PABPC1L: variants seen among roughly 807,000 people sequenced by gnomAD.
PABPC1L encodes polyadenylate-binding protein 1-like.
Under a neutral mutation model 66.6 loss-of-function variants are expected in PABPC1L, and 31 were observed. That is an observed-to-expected ratio of 0.47 (90% confidence interval 0.35 to 0.63). The LOEUF (loss-of-function observed/expected upper bound fraction) is 0.63. Ranked by LOEUF, PABPC1L falls within the 20% of genes least tolerant of loss-of-function variation. PABPC1L has a pLI of 0.00. For missense variants in PABPC1L, 722 were observed against 848.8 expected, an observed-to-expected ratio of 0.85 and a Z score of 1.86; for synonymous variants, 348 against 335.1, an observed-to-expected ratio of 1.04 and a Z score of -0.42.
intron 7 of PABPC1L, among the ~76,000 whole-genome samples, chr20:44,924,796 G>A (rs1601115056): frequency 1.3e-5 from 2 of 152,194 alleles, no homozygotes; most frequent in East Asian, 3.8e-4. Flanking sequence ...TGGGCTCACT[G>A]GATGGCTTTC....
At chr20:44,932,868 T>C (rs2066871930) in intron 9 of PABPC1L, 189 bp from the exon 10 acceptor site, 1 of 584,612 alleles carries the variant, frequency 1.7e-6, no homozygotes, top group Non-Finnish European at 3.1e-6. Flanking sequence ...TTTGAAATTG[T>C]AGATTCCTAC....
chr20:44,936,641 A>C lies in PABPC1L; in HGVS notation c.1571A>C (p.Gln524Pro). ...SSAAHSTYRV[Q>P]EPAVHIPGQE... ...TGTGTCCCCGGCACCATGCAGGTCC[A>C]GGAGCCGGCTGTGCACATCCCAGGA... Residue 524 changes from glutamine to proline, a missense_variant, in exon 12 of 15, where the codon CAG becomes CCG. Transcript: ENST00000217073. 1.3e-6 allele frequency: 2 copies of C among 1,593,414 alleles called. No individual in the cohort carries two copies. Among genetic ancestry groups the C allele is most frequent in the East Asian group, 4.5e-5 (2 of 44,222 alleles).
chr20:44,912,720 TGTG>T lies in PABPC1L; in HGVS notation c.257_259del (p.Trp86del), dbSNP rs1568641663. On this transcript the variant is annotated inframe_deletion, in exon 2 of 15. Coordinates refer to ENST00000217073, the MANE Select transcript of PABPC1L (RefSeq NM_001372179.1). ...CTCAAAGGCCAGCCTATTCGCATCA[TGTG>T]GTCCCAGCGAGACCCAGGACTTCGC... 6.2e-7 allele frequency: 1 copy of T among 1,614,200 alleles called. No homozygotes were observed. The highest frequency in any genetic ancestry group is 1.1e-5 in the South Asian group (1 of 91,080).
intron 6 of PABPC1L, among the ~76,000 whole-genome samples, chr20:44,922,617 C>T (rs111603742): frequency 0.012 from 1,878 of 152,232 alleles, 30 homozygotes; most frequent in African/African-American, 0.039. Flanking sequence ...TTGATCTGCC[C>T]GCTTTGGCCT....
At chr20:44,914,740 A>T (rs1380771017) in intron 2 of PABPC1L, among the ~76,000 whole-genome samples, 2 of 152,202 alleles carry the variant, frequency 1.3e-5, no homozygotes, top group Non-Finnish European at 2.9e-5. Context: ...AGTTCTTCAC[A>T]ATAATAATGG....
Position 44,910,221 on chromosome 20 carries a change from G to T in PABPC1L, c.78G>T (p.Met26Ile), listed in dbSNP as rs768559313. 4.4e-6 allele frequency: 7 copies of T among 1,578,190 alleles called. No homozygotes were observed. In the South Asian group the frequency reaches 6.9e-5, roughly 16 times the overall value. Residue 26 changes from methionine to isoleucine, a missense_variant, in exon 1 of 15, where the codon ATG becomes ATT. By Grantham distance (10) the Met-to-Ile change is conservative. This residue lies in a region of PABPC1L where 284 missense variants were observed against 294.8 expected (regional missense o/e 0.96). Coordinates refer to ENST00000217073, the MANE Select transcript of PABPC1L (RefSeq NM_001372179.1). ...GDLHPDVTEA[M>I]LYEKFSPAGP... ...TGCACCCCGACGTGACCGAGGCCATGCTCTATGAGAAGTTCTCTCCCGCCG... is the reference window on the plus strand; with the variant it reads ...TGCACCCCGACGTGACCGAGGCCATTCTCTATGAGAAGTTCTCTCCCGCCG...
intron 10 of PABPC1L, among the ~76,000 whole-genome samples, chr20:44,933,696 C>G (rs2066879475): frequency 6.6e-6 from 1 of 150,918 alleles, no homozygotes. Context: ...CCGCCCACCT[C>G]AGCCTCCCAA....
Position 44,910,130 on chromosome 20 carries a change from GC to G in PABPC1L, c.-9del. ...GGCTCCTGCTTGCCCCGCAGCCCCG[GC>G]CCCCTGCCCACCATGAACGCCAGCG... On this transcript the variant is annotated 5_prime_UTR_variant, in exon 1 of 15. Transcript: ENST00000217073. The G allele has an allele frequency of 2.6e-6, 4 of 1,546,886 alleles. No individual in the cohort carries two copies. Among genetic ancestry groups the G allele is most frequent in the East Asian group, 2.5e-5 (1 of 40,142 alleles).
chr20:44,912,977 C>A, intron 2 of PABPC1L, 124 bp downstream of exon 2: 1 of 823,884 alleles, frequency 1.2e-6, no homozygotes, highest in Non-Finnish European at 1.8e-6. Context: ...TCAGGTACAG[C>A]AAGCACCTGA....
intron 1 of PABPC1L, among the ~76,000 whole-genome samples, chr20:44,912,380 GAGGGGC>G (rs966650652): frequency 3.3e-5 from 5 of 152,204 alleles, no homozygotes; most frequent in Non-Finnish European, 5.9e-5. Flanking sequence ...TCTGTAAAAT[GAGGGGC>G]AGGAATCCAT....
At chr20:44,928,111 C>T (rs1427332051) in intron 7 of PABPC1L, among the ~76,000 whole-genome samples, 1 of 152,074 alleles carries the variant, frequency 6.6e-6, no homozygotes, top group East Asian at 1.9e-4. Flanking sequence ...CTCTGTCGCC[C>T]AGACTGGAGC....
At chr20:44,924,117 C>A in intron 6 of PABPC1L, 44 bp from the exon 7 acceptor site, 1 of 1,514,702 alleles carries the variant, frequency 6.6e-7, no homozygotes, top group Non-Finnish European at 9.2e-7. Flanking sequence ...GCAGTTGGGG[C>A]TTGGAGGAGA....
chr20:44,919,020 C>A lies in PABPC1L; in HGVS notation c.618C>A (p.Gly206=). The change falls in exon 4 of 15, where the codon GGC becomes GGA. Residue 206 remains glycine, a synonymous_variant. Coordinates refer to ENST00000217073, the MANE Select transcript of PABPC1L (RefSeq NM_001372179.1). ...TCCCGGTGGATGTGGACGAGCAAGG[C>A]CTGCAGGACCTCTTCTCCCAGTTTG... ...KNLPVDVDEQ[G]LQDLFSQFGK... The A allele has an allele frequency of 3.7e-6, 6 of 1,612,574 alleles. No individual in the cohort carries two copies. Among genetic ancestry groups the A allele is most frequent in the Non-Finnish European group, 5.1e-6 (6 of 1,179,218 alleles).
Position 44,910,105 on chromosome 20 carries a change from G to C in PABPC1L, c.-39G>C, listed in dbSNP as rs770576757. The C allele has an allele frequency of 4.0e-6, 6 of 1,511,252 alleles. No homozygotes were observed. The highest frequency in any genetic ancestry group is 2.4e-5 in the South Asian group (2 of 82,042). 93.6% of individuals were successfully genotyped at this position (1,511,252 alleles called of 1,614,324 possible). On this transcript the variant is annotated 5_prime_UTR_variant, in exon 1 of 15. Coordinates refer to ENST00000217073, the MANE Select transcript of PABPC1L (RefSeq NM_001372179.1). ...TGAGCGCGGGGCTGCTGGGTGACCC[G>C]GCTCCTGCTTGCCCCGCAGCCCCGG... is the stretch of plus-strand genomic sequence containing the variant.
At chr20:44,928,878 A>G (rs1357783700) in intron 7 of PABPC1L, among the ~76,000 whole-genome samples, 4 of 147,444 alleles carry the variant, frequency 2.7e-5, no homozygotes, top group Admixed American at 6.7e-5. Context: ...AAAAAAAAAA[A>G]AAAAAAAGAA....
At chr20:44,937,967 C>T in intron 12 of PABPC1L, 94 bp from the exon 13 acceptor site, 1 of 1,556,696 alleles carries the variant, frequency 6.4e-7, no homozygotes, top group Non-Finnish European at 8.7e-7. Context: ...GGGAGAAGAA[C>T]CCAGATGTCC....
rs749906852 is a variant in PABPC1L at position 44,938,017 on chromosome 20, G to T, written c.1661-44G>T. Reference sequence around the variant, plus strand: ...CATACGAGCCCTGGGATGCTGGGGTGTGAGCTAGGCCGTGCACAAGCCATT... The same window carrying T: ...CATACGAGCCCTGGGATGCTGGGGTTTGAGCTAGGCCGTGCACAAGCCATT... On this transcript the variant is annotated intron_variant, in intron 12 of 14. Transcript: ENST00000217073. The T allele has an allele frequency of 1.9e-6, 3 of 1,611,530 alleles. No individual in the cohort carries two copies. In the African/African-American group the frequency reaches 4.0e-5, roughly 22 times the overall value.
At position 44,924,614 on chromosome 20, in the gene PABPC1L, C is replaced by T. The variant is rs759176559; in HGVS notation, c.972+358C>T. The stretch of plus-strand genomic sequence containing the variant: ...CAGTGACATTACCCTCCTGGGCCTC[C>T]GTTTTCCCATCTGGAAAGTGAGAGG... On this transcript the variant is annotated intron_variant, in intron 7 of 14. Coordinates refer to ENST00000217073, the MANE Select transcript of PABPC1L (RefSeq NM_001372179.1). Among the ~76,000 whole-genome samples, 28 of 152,208 alleles carry T rather than the reference C, an allele frequency of 1.8e-4. 1 individual carries two copies. Among genetic ancestry groups the T allele is most frequent in the African/African-American group, 5.5e-4 (23 of 41,444 alleles).
At chr20:44,911,460 T>C (rs559777746) in intron 1 of PABPC1L, among the ~76,000 whole-genome samples, 1 of 152,230 alleles carries the variant, frequency 6.6e-6, no homozygotes, top group Admixed American at 6.5e-5. Flanking sequence ...CGAGACTCCA[T>C]CTCAACACAA....
Sources: gnomAD v4.1 joint callset for allele counts (sites outside exome capture counted in the v4.1 genomes callset) on GRCh38, gnomAD v4.1.1 for gene constraint, gnomAD v4.1.1 regional missense constraint, MANE v1.5 for transcripts, NCBI Gene and HGNC (gene_info 2026-07-23, HGNC 2026-07-21) for gene names.